The following CCDC174 variants were observed in gnomAD, a reference collection of about 807,000 sequenced individuals.
CCDC174 encodes the protein coiled-coil domain containing 174.
In CCDC174, 37 loss-of-function variants were observed where a neutral mutation model predicts 57.1. The ratio of observed to expected loss-of-function variants is 0.65; its 90% CI spans 0.50 to 0.85. The LOEUF (loss-of-function observed/expected upper bound fraction) is 0.85, where lower values mean the gene tolerates loss of function less well. CCDC174 is among the 40% of genes least tolerant of loss of function. The pLI, the probability that CCDC174 is intolerant of heterozygous loss-of-function variation, is 0.00. For synonymous variants in CCDC174, 182 were observed against 190.2 expected, an observed-to-expected ratio of 0.96 and a Z score of 0.35; for missense variants, 540 against 574.3, an observed-to-expected ratio of 0.94 and a Z score of 0.61.
chr3:14,668,013 G>A (rs755864456), intron 8 of CCDC174, 36 bp from the exon 9 acceptor site: 23 of 1,555,030 alleles, frequency 1.5e-5, no homozygotes, highest in Non-Finnish European at 1.9e-5. Flanking sequence ...TTGCAAATTT[G>A]GCTTCAAGCA....
chr3:14,664,909 T>A (rs922718010), intron 5 of CCDC174, 119 bp from the exon 6 acceptor site: 1 of 726,962 alleles, frequency 1.4e-6, no homozygotes, highest in Non-Finnish European at 2.5e-6. Context: ...GTCTCTGAGG[T>A]TGGGGGCTCT....
chr3:14,652,915 C>CGG lies in CCDC174; in HGVS notation c.42+1042_42+1043dup, dbSNP rs56882357. Among the ~76,000 whole-genome samples, 550 of 105,690 alleles carry CGG rather than the reference C, an allele frequency of 5.2e-3. 6 individuals are homozygous for CGG. Among genetic ancestry groups the CGG allele is most frequent in the African/African-American group, 0.02 (515 of 26,132 alleles). The allele number at this position is 105,690 out of a possible 152,430, so 69.3% of individuals were successfully genotyped here. A position where few individuals can be genotyped will look rare whatever the true frequency, so the allele number is the denominator to read the frequency against. ...GAAACTCCGTCTAAGGGGCGGGGGG[C>CGG]GGGGGGAAGAAATCTTAGTGATAGA... On this transcript the variant is annotated intron_variant, in intron 1 of 10. Transcript: ENST00000383794.
chr3:14,659,661 C>A (rs1307433078), intron 4 of CCDC174, among the ~76,000 whole-genome samples: 1 of 151,948 alleles, frequency 6.6e-6, no homozygotes, highest in Non-Finnish European at 1.5e-5. Flanking sequence ...GTGCAGTAAG[C>A]TATGATCCAG....
At chr3:14,657,264 C>T (rs755876373) in intron 3 of CCDC174, among the ~76,000 whole-genome samples, 2 of 152,168 alleles carry the variant, frequency 1.3e-5, no homozygotes, top group Non-Finnish European at 2.9e-5. Flanking sequence ...GCTCAGAACA[C>T]GCAAGCACAG....
At chr3:14,667,931 C>T (rs1575073433) in intron 8 of CCDC174, 118 bp from the exon 9 acceptor site, 1 of 944,380 alleles carries the variant, frequency 1.1e-6, no homozygotes, top group East Asian at 2.5e-5. Flanking sequence ...AGGACAGCTT[C>T]TTAGAGGTGG....
At chr3:14,665,234 G>A in intron 6 of CCDC174, 111 bp downstream of exon 6, 2 of 688,320 alleles carry the variant, frequency 2.9e-6, no homozygotes, top group Non-Finnish European at 5.0e-6. Flanking sequence ...CTCCAGTAAG[G>A]AGATATTGAT....
In CCDC174 at chr3:14,655,798, C is replaced by G. The variant is rs148980692; in HGVS notation, c.248+169C>G. Reference sequence around the variant, plus strand: ...TATAATTTGCAGATATATCTGTAGTCTTATAAAAAGGTAAAACATAGTCAC... The same window carrying G: ...TATAATTTGCAGATATATCTGTAGTGTTATAAAAAGGTAAAACATAGTCAC... On this transcript the variant is annotated intron_variant, in intron 3 of 10. Coordinates refer to ENST00000383794, the MANE Select transcript of CCDC174 (RefSeq NM_016474.5). 2.0e-4 allele frequency among the ~76,000 whole-genome samples: 30 copies of G among 152,204 alleles called. No individual in the cohort carries two copies. The East Asian group carries it at 5.2e-3, about 26-fold the overall frequency.
intron 5 of CCDC174, among the ~76,000 whole-genome samples, chr3:14,662,556 A>G (rs1433114763): frequency 6.6e-6 from 1 of 152,140 alleles, no homozygotes; most frequent in African/African-American, 2.4e-5. Context: ...ATTTTTTTCT[A>G]CCTAAGATAT....
chr3:14,669,210 C>T (rs564401952), intron 9 of CCDC174, among the ~76,000 whole-genome samples: 27 of 152,258 alleles, frequency 1.8e-4, no homozygotes, highest in African/African-American at 5.8e-4. Context: ...TATGAAGGGA[C>T]GTATAGCTCT....
In CCDC174 at chr3:14,666,863, C is replaced by A. The variant is rs755125953; in HGVS notation, c.640C>A (p.Gln214Lys). Residue 214 changes from glutamine (Q) to lysine (K), a missense_variant, in exon 7 of 11, where the codon CAG (glutamine) becomes AAG (lysine). Coordinates refer to ENST00000383794, the MANE Select transcript of CCDC174 (RefSeq NM_016474.5). ...LLSEDMRKEL[Q>K]RQQWEEEERE... ...ATCTGAAGATATGAGAAAAGAACTT[C>A]AGCGCCAGCAATGGGAGGAAGAAGA... The A allele has an allele frequency of 2.5e-6, 4 of 1,605,764 alleles. No homozygotes were observed. The highest frequency in any genetic ancestry group is 1.3e-5 in the African/African-American group (1 of 74,140).
chr3:14,664,683 T>C (rs73139862), intron 5 of CCDC174, among the ~76,000 whole-genome samples: 92 of 152,340 alleles, frequency 6.0e-4, no homozygotes, highest in East Asian at 2.1e-3. Flanking sequence ...GGCAAAGTTA[T>C]TAAGATACTG....
intron 5 of CCDC174, 27 bp downstream of exon 5, chr3:14,661,734 A>G: frequency 6.3e-7 from 1 of 1,583,302 alleles, no homozygotes; most frequent in Non-Finnish European, 8.6e-7. Context: ...ATTAGCTCAG[A>G]GGAACATCCT....
chr3:14,665,994 C>T (rs550731723), intron 6 of CCDC174, among the ~76,000 whole-genome samples: 64 of 136,008 alleles, frequency 4.7e-4, no homozygotes, highest in Non-Finnish European at 7.3e-4. Flanking sequence ...GCCAAGATGA[C>T]GCCACTGCAC....
chr3:14,653,537 G>A (rs2030846329), intron 1 of CCDC174, among the ~76,000 whole-genome samples: 1 of 152,142 alleles, frequency 6.6e-6, no homozygotes, highest in Non-Finnish European at 1.5e-5. Context: ...TGAAGTATCT[G>A]ATTTACAAAT....
chr3:14,669,177 C>G (rs1383103611), intron 9 of CCDC174, among the ~76,000 whole-genome samples: 3 of 152,146 alleles, frequency 2.0e-5, no homozygotes, highest in Non-Finnish European at 2.9e-5. Context: ...TTCTGTTACC[C>G]AAAGGAAAAG....
chr3:14,661,474 C>G, intron 4 of CCDC174, 56 bp from the exon 5 acceptor site: 2 of 1,483,906 alleles, frequency 1.3e-6, no homozygotes, highest in East Asian at 2.3e-5. Context: ...TGCTTCTTGT[C>G]CATTCCATGT....
rs745353581 is a variant in CCDC174 at position 14,655,679 on chromosome 3, C to T, written c.248+50C>T. 2.5e-6 allele frequency: 3 copies of T among 1,211,898 alleles called. No homozygotes were observed. The South Asian group carries it at 4.1e-5, about 17-fold the overall frequency. The allele number at this position is 1,211,898 out of a possible 1,614,324, so 75.1% of individuals were successfully genotyped here. A position where few individuals can be genotyped will look rare whatever the true frequency, so the allele number is the denominator to read the frequency against. ...ATAGTTAGCTTTGAGGCTACCCAGGCAGAGAAATGGAAGTTCAAATTTTGT... is the reference window on the plus strand; with the variant it reads ...ATAGTTAGCTTTGAGGCTACCCAGGTAGAGAAATGGAAGTTCAAATTTTGT... On this transcript the variant is annotated intron_variant, in intron 3 of 10. Coordinates refer to ENST00000383794, the MANE Select transcript of CCDC174 (RefSeq NM_016474.5).
chr3:14,668,151 AAAG>A lies in CCDC174; in HGVS notation c.926_928del (p.Glu309del), dbSNP rs759863756. 5 of 1,611,856 alleles carry A rather than the reference AAAG, an allele frequency of 3.1e-6. No individual in the cohort carries two copies. In the East Asian group the frequency reaches 6.7e-5, roughly 22 times the overall value. ...TCGACAAAAAAAGATGAAAAAATCA[AAAG>A]AAGGTGGAACAGAAGAAGAAAATAG... is the stretch of plus-strand genomic sequence containing the variant. On this transcript the variant is annotated inframe_deletion, in exon 9 of 11. Coordinates refer to ENST00000383794, the MANE Select transcript of CCDC174 (RefSeq NM_016474.5).
At chr3:14,654,623 C>A in intron 2 of CCDC174, 93 bp downstream of exon 2, 1 of 597,298 alleles carries the variant, frequency 1.7e-6, no homozygotes, top group Non-Finnish European at 2.9e-6. Context: ...GGTATCTGTA[C>A]ACATAAATGT....
Sources: gnomAD v4.1 joint callset for allele counts (sites outside exome capture counted in the v4.1 genomes callset) on GRCh38, gnomAD v4.1.1 for gene constraint, MANE v1.5 for transcripts, NCBI Gene and HGNC (gene_info 2026-07-23, HGNC 2026-07-21) for gene names.